The following PDE12 variants were observed in gnomAD, a reference collection of about 807,000 sequenced individuals.
The protein encoded by PDE12 is 2',5'-phosphodiesterase 12.
PDE12 carries 26 observed loss-of-function variants against 45.4 expected under a neutral mutation model. That is an observed-to-expected ratio of 0.57 (90% CI 0.42 to 0.79). The LOEUF (loss-of-function observed/expected upper bound fraction) is 0.79. Among genes scored for constraint, PDE12 ranks in the 30% least tolerant of loss-of-function variants. The pLI is 0.00. For missense variants in PDE12, 668 were observed against 790.0 expected, an observed-to-expected ratio of 0.85 and a Z score of 1.85; for synonymous variants, 283 against 323.9, an observed-to-expected ratio of 0.87 and a Z score of 1.36.
Position 57,561,551 on chromosome 3 carries a change from AATAC to A in PDE12, c.*1550_*1553del, listed in dbSNP as rs2069728669. ...CCATGCTTTACTAATTCAGTTATGA[AATAC>A]ATTATTTATAATGCATTAGCTGTAT... On this transcript the variant is annotated 3_prime_UTR_variant, in exon 3 of 3. Coordinates refer to ENST00000311180, the MANE Select transcript of PDE12 (RefSeq NM_177966.7). 1.0e-6 allele frequency: 1 copy of A among 983,914 alleles called. No homozygotes were observed. Among genetic ancestry groups the A allele is most frequent in the Admixed American group, 6.2e-5 (1 of 16,246 alleles). 60.9% of individuals were successfully genotyped at this position (983,914 alleles called of 1,614,324 possible). A position where few individuals can be genotyped will look rare whatever the true frequency, so the allele number is the denominator to read the frequency against.
chr3:57,592,279 A>T, the PDE12 span, among the ~76,000 whole-genome samples: 2 of 152,130 alleles, frequency 1.3e-5, no homozygotes, highest in Non-Finnish European at 2.9e-5. Context: ...ACCTGAGGTC[A>T]GGAGTTTGAG....
chr3:57,615,102 G>A, the PDE12 span, among the ~76,000 whole-genome samples: 3 of 151,792 alleles, frequency 2.0e-5, no homozygotes, highest in Non-Finnish European at 4.4e-5. Context: ...TAGTAGAGAC[G>A]GGGTTTCACC....
chr3:57,559,071 A>G (rs540638132), intron 1 of PDE12, among the ~76,000 whole-genome samples: 16 of 151,996 alleles, frequency 1.1e-4, no homozygotes, highest in African/African-American at 3.9e-4. Flanking sequence ...ATACAAAAAA[A>G]TTAGCCGGGC....
the PDE12 span, among the ~76,000 whole-genome samples, chr3:57,625,241 C>T: frequency 2.6e-5 from 4 of 152,148 alleles, no homozygotes; most frequent in African/African-American, 9.7e-5. Flanking sequence ...AATCAATGCA[C>T]TGCTAGGAAA....
At chr3:57,615,097 G>C in the PDE12 span, among the ~76,000 whole-genome samples, 2 of 151,702 alleles carry the variant, frequency 1.3e-5, no homozygotes, top group African/African-American at 4.8e-5. Context: ...TATTTTAGTA[G>C]AGACGGGGTT....
chr3:57,635,970 T>C, the PDE12 span, among the ~76,000 whole-genome samples: 2 of 152,304 alleles, frequency 1.3e-5, no homozygotes, highest in South Asian at 4.1e-4. Flanking sequence ...AGTCAATATA[T>C]ATTTTATCTT....
the PDE12 span, among the ~76,000 whole-genome samples, chr3:57,643,073 G>C: frequency 6.6e-6 from 1 of 151,986 alleles, no homozygotes; most frequent in Non-Finnish European, 1.5e-5. Context: ...GGAGAGAAGG[G>C]GTTGAGGGAA....
chr3:57,577,338 A>G, the PDE12 span: 2 of 1,613,748 alleles, frequency 1.2e-6, no homozygotes, highest in East Asian at 2.2e-5. Context: ...CTCATCTGCT[A>G]CTTCCTGAAT....
the PDE12 span, among the ~76,000 whole-genome samples, chr3:57,604,282 G>C: frequency 3.3e-5 from 5 of 151,968 alleles, no homozygotes; most frequent in Non-Finnish European, 7.4e-5. Flanking sequence ...ACATAGAAAC[G>C]AGAGAATTAA....
At chr3:57,617,730 A>C in the PDE12 span, among the ~76,000 whole-genome samples, 3 of 151,990 alleles carry the variant, frequency 2.0e-5, 1 homozygote, top group South Asian at 4.2e-4. Flanking sequence ...AGCCAAGTGT[A>C]GTGGCACACA....
At chr3:57,611,916 C>T in the PDE12 span, among the ~76,000 whole-genome samples, 1 of 152,098 alleles carries the variant, frequency 6.6e-6, no homozygotes, top group Admixed American at 6.6e-5. Flanking sequence ...AATCATGCTG[C>T]TATAAAGATG....
rs28417332 is a variant in PDE12 at position 57,566,356 on chromosome 3, C to A, written c.*6352C>A. 1 of 152,168 alleles carries A rather than the reference C, an allele frequency of 6.6e-6. No individual in the cohort carries two copies. The highest frequency in any genetic ancestry group is 1.5e-5 in the Non-Finnish European group (1 of 68,032). 9.4% of individuals were successfully genotyped at this position (152,168 alleles called of 1,614,324 possible). On this transcript the variant is annotated 3_prime_UTR_variant, in exon 3 of 3. Coordinates refer to ENST00000311180, the MANE Select transcript of PDE12 (RefSeq NM_177966.7). ...TATGATGAATGTTCCATCTTATGGA[C>A]GTACCACATTTGTCCATTCATTAGT... is the stretch of plus-strand genomic sequence containing the variant.
the PDE12 span, among the ~76,000 whole-genome samples, chr3:57,616,370 A>C: frequency 6.9e-6 from 1 of 145,160 alleles, no homozygotes; most frequent in Admixed American, 6.8e-5. Context: ...GAGGAGGAGG[A>C]GGCAGGGGGG....
the PDE12 span, among the ~76,000 whole-genome samples, chr3:57,595,953 A>G: frequency 7.1e-6 from 1 of 140,248 alleles, no homozygotes; most frequent in Admixed American, 7.1e-5. Context: ...CTCCGTCTGC[A>G]AAAAAAAAAA....
chr3:57,575,819 G>T, the PDE12 span: 1 of 877,628 alleles, frequency 1.1e-6, no homozygotes, highest in Non-Finnish European at 1.6e-6. Flanking sequence ...TACAACTGAA[G>T]TCTCATATCC....
At chr3:57,601,352 A>G in the PDE12 span, among the ~76,000 whole-genome samples, 1 of 151,918 alleles carries the variant, frequency 6.6e-6, no homozygotes, top group Non-Finnish European at 1.5e-5. Flanking sequence ...TAGGTGGTCC[A>G]CCCACCTCGG....
the PDE12 span, among the ~76,000 whole-genome samples, chr3:57,615,176 G>C: frequency 6.6e-6 from 1 of 151,862 alleles, no homozygotes; most frequent in South Asian, 2.1e-4. Context: ...GCCTCCCAAA[G>C]TGCTAGGAAA....
rs1471490035 is a variant in PDE12, at chr3:57,563,159, A to C, written c.*3155A>C. ...AGTTTATCACAAGACCCATGTGACA[A>C]CTCAGAAAATATTCTCAGCATAATT... is the stretch of plus-strand genomic sequence containing the variant. On this transcript the variant is annotated 3_prime_UTR_variant, in exon 3 of 3. Coordinates refer to ENST00000311180, the MANE Select transcript of PDE12 (RefSeq NM_177966.7). 2 of 152,126 alleles carry C rather than the reference A, an allele frequency of 1.3e-5. No individual in the cohort carries two copies. Among genetic ancestry groups the C allele is most frequent in the Non-Finnish European group, 2.9e-5 (2 of 68,030 alleles). The allele number at this position is 152,126 out of a possible 1,614,324, so 9.4% of individuals were successfully genotyped here.
chr3:57,609,413 C>CA, the PDE12 span, among the ~76,000 whole-genome samples: 13 of 151,726 alleles, frequency 8.6e-5, no homozygotes, highest in Non-Finnish European at 1.8e-4. Flanking sequence ...GATACAGACA[C>CA]AAAAAAATCC....
Sources: allele counts gnomAD v4.1 joint callset (sites outside exome capture counted in the v4.1 genomes callset), GRCh38; gene constraint gnomAD v4.1.1; transcripts MANE v1.5; gene names NCBI Gene and HGNC (gene_info 2026-07-23, HGNC 2026-07-21).